Variants in CFAP54 observed in about 807,000 individuals in gnomAD.
The protein encoded by CFAP54 is cilia- and flagella-associated protein 54.
A neutral mutation model predicts 370.4 loss-of-function variants in CFAP54; 290 were observed. The ratio of observed to expected loss-of-function variants is 0.78; its 90% CI spans 0.71 to 0.86. CFAP54 has a LOEUF of 0.86. CFAP54 is among the 40% of genes least tolerant of loss of function. The pLI is 0.00. For synonymous variants in CFAP54, 1,206 were observed against 1,236.5 expected, an observed-to-expected ratio of 0.98 and a Z score of 0.52; for missense variants, 3,399 against 3,528.7, an observed-to-expected ratio of 0.96 and a Z score of 0.93.
At chr12:96,776,178 A>G (rs1033448125) in intron 60 of CFAP54, among the ~76,000 whole-genome samples, 24 of 152,140 alleles carry the variant, frequency 1.6e-4, no homozygotes, top group Non-Finnish European at 2.9e-5. Context: ...CTCACAAATG[A>G]TAAGAAGAAA....
intron 12 of CFAP54, among the ~76,000 whole-genome samples, chr12:96,536,295 A>G (rs560476159): frequency 2.0e-5 from 3 of 152,346 alleles, no homozygotes; most frequent in East Asian, 1.9e-4. Context: ...TTACTTTTGT[A>G]TATAACACTG....
At chr12:96,738,421 C>T (rs1335919187) in intron 50 of CFAP54, among the ~76,000 whole-genome samples, 2 of 152,042 alleles carry the variant, frequency 1.3e-5, no homozygotes, top group Non-Finnish European at 2.9e-5. Flanking sequence ...ATCGAGGTGT[C>T]GATGGGGCCA....
chr12:96,554,803 G>A lies in CFAP54; in HGVS notation c.2410+1G>A, dbSNP rs1190854153. On this transcript the variant is annotated splice_donor_variant, in intron 17 of 67. Transcript: ENST00000524981. LOFTEE classifies it high-confidence loss of function. ...GTTGTGCTTCTGGACAAATTGCAAG[G>A]TAGTAGTCACTAAAGCAAGTAACCA... 1.3e-6 allele frequency: 2 copies of A among 1,530,008 alleles called. No homozygotes were observed. The highest frequency in any genetic ancestry group is 2.7e-5 in the African/African-American group (2 of 72,906). The allele number at this position is 1,530,008 out of a possible 1,614,324, so 94.8% of individuals were successfully genotyped here.
At chr12:96,648,474 C>T (rs1290450415) in intron 34 of CFAP54, among the ~76,000 whole-genome samples, 1 of 151,864 alleles carries the variant, frequency 6.6e-6, no homozygotes, top group Non-Finnish European at 1.5e-5. Flanking sequence ...CTAGGATTTC[C>T]AACCAGCATC....
In CFAP54 at chr12:96,559,358, A is replaced by G. The variant is rs559173138; in HGVS notation, c.2410+4556A>G. Among the ~76,000 whole-genome samples, 360 of 152,324 alleles carry G rather than the reference A, an allele frequency of 2.4e-3. 3 individuals carry two copies. The highest frequency in any genetic ancestry group is 7.8e-3 in the African/African-American group (326 of 41,582). ...ATGCATTGCATATCTGTATTAAAAC[A>G]TCTCATGTACCCCATAAATATATAC... is the stretch of plus-strand genomic sequence containing the variant. On this transcript the variant is annotated intron_variant, in intron 17 of 67. Transcript: ENST00000524981.
At chr12:96,641,177 A>G (rs955101879) in intron 32 of CFAP54, among the ~76,000 whole-genome samples, 6 of 152,220 alleles carry the variant, frequency 3.9e-5, no homozygotes, top group Non-Finnish European at 8.8e-5. Context: ...CAATCTATCC[A>G]TCTGACAAAG....
At chr12:96,863,920 C>T (rs1959942589) in intron 67 of CFAP54, among the ~76,000 whole-genome samples, 1 of 152,068 alleles carries the variant, frequency 6.6e-6, no homozygotes, top group African/African-American at 2.4e-5. Flanking sequence ...TAACAGTTTC[C>T]CCGTTTTAAA....
intron 32 of CFAP54, among the ~76,000 whole-genome samples, chr12:96,643,792 A>G (rs1236283164): frequency 6.6e-6 from 1 of 152,132 alleles, no homozygotes; most frequent in African/African-American, 2.4e-5. Context: ...TTCCTTAAGG[A>G]CCAATATAGA....
chr12:96,867,500 C>T (rs1367876903), intron 67 of CFAP54, among the ~76,000 whole-genome samples: 4 of 152,126 alleles, frequency 2.6e-5, no homozygotes, highest in African/African-American at 7.2e-5. Context: ...ATGGAATCAA[C>T]GTAAGTCTCC....
chr12:96,635,730 C>T (rs151286438), intron 32 of CFAP54, among the ~76,000 whole-genome samples: 16 of 152,246 alleles, frequency 1.1e-4, no homozygotes, highest in East Asian at 5.8e-4. Context: ...TCCTCAGGTT[C>T]GAAAATTTGC....
rs1365849966 is a variant in CFAP54, at chr12:96,784,957, G to A, written c.8455+67G>A. On this transcript the variant is annotated intron_variant, in intron 61 of 67. Transcript: ENST00000524981. ...AATTCCCATTTAAGTCATGTTTCTTGTTGAGAATTATAAGATACTTTTGAC... is the reference window on the plus strand; with the variant it reads ...AATTCCCATTTAAGTCATGTTTCTTATTGAGAATTATAAGATACTTTTGAC... The A allele has an allele frequency of 3.3e-6, 4 of 1,213,880 alleles. No homozygotes were observed. In the African/African-American group the frequency reaches 6.2e-5, roughly 19 times the overall value. The allele number at this position is 1,213,880 out of a possible 1,614,324, so 75.2% of individuals were successfully genotyped here.
At chr12:96,776,488 T>C (rs1958519393) in intron 60 of CFAP54, among the ~76,000 whole-genome samples, 1 of 152,212 alleles carries the variant, frequency 6.6e-6, no homozygotes, top group Non-Finnish European at 1.5e-5. Context: ...CAATAAAAGA[T>C]AGTTGAATTC....
At chr12:96,503,433 C>T in intron 2 of CFAP54, among the ~76,000 whole-genome samples, 1 of 140,350 alleles carries the variant, frequency 7.1e-6, no homozygotes. Context: ...CCCTCCCTTC[C>T]TTCTTTCCTT....
chr12:96,666,136 A>G (rs1592697724), intron 39 of CFAP54, among the ~76,000 whole-genome samples: 1 of 152,338 alleles, frequency 6.6e-6, no homozygotes, highest in East Asian at 1.9e-4. Context: ...GAAAAGAGAT[A>G]TTGATAGGCA....
At chr12:96,869,753 T>C (rs536257942) in intron 67 of CFAP54, among the ~76,000 whole-genome samples, 1 of 151,706 alleles carries the variant, frequency 6.6e-6, no homozygotes, top group South Asian at 2.1e-4. Flanking sequence ...CTGACCAACA[T>C]GGCGAAACCC....
intron 17 of CFAP54, among the ~76,000 whole-genome samples, chr12:96,563,038 A>C (rs1391852807): frequency 6.6e-6 from 1 of 152,210 alleles, no homozygotes; most frequent in Non-Finnish European, 1.5e-5. Flanking sequence ...TTTTTGTGTC[A>C]GGTTTTAAGA....
chr12:96,719,302 CT>C (rs1957721596), intron 49 of CFAP54, among the ~76,000 whole-genome samples: 1 of 152,156 alleles, frequency 6.6e-6, no homozygotes, highest in South Asian at 2.1e-4. Context: ...AGGACTACAT[CT>C]TTTTGATTCA....
intron 63 of CFAP54, among the ~76,000 whole-genome samples, chr12:96,810,732 C>T (rs1037522372): frequency 6.6e-5 from 10 of 152,058 alleles, no homozygotes; most frequent in Admixed American, 4.6e-4. Context: ...AAAGGTTGTC[C>T]GATTATGCAG....
At chr12:96,491,272 A>G (rs1025215018) in intron 1 of CFAP54, among the ~76,000 whole-genome samples, 4 of 152,202 alleles carry the variant, frequency 2.6e-5, no homozygotes, top group African/African-American at 9.6e-5. Flanking sequence ...CACAGGGAGA[A>G]TGGCAGATGG....
Sources: gnomAD v4.1 joint callset for allele counts (sites outside exome capture counted in the v4.1 genomes callset) on GRCh38, gnomAD v4.1.1 for gene constraint, MANE v1.5 for transcripts, NCBI Gene and HGNC (gene_info 2026-07-23, HGNC 2026-07-21) for gene names.